Variants in TPD52 observed in about 807,000 individuals in gnomAD.
TPD52 encodes prostate and colon associated protein.
In TPD52, 17 loss-of-function variants were observed where a neutral mutation model predicts 31.3. That is an observed-to-expected ratio of 0.54 (90% CI 0.37 to 0.82). TPD52 has a LOEUF of 0.82. Among genes scored for constraint, TPD52 ranks in the 40% least tolerant of loss-of-function variants. The probability of loss-of-function intolerance (pLI) is 0.00; values close to 1 mark genes in which losing one functional copy is unlikely to be tolerated. For synonymous variants in TPD52, 83 were observed against 89.6 expected, an observed-to-expected ratio of 0.93 and a Z score of 0.42; for missense variants, 212 against 240.1, an observed-to-expected ratio of 0.88 and a Z score of 0.77.
intron 1 of TPD52, among the ~76,000 whole-genome samples, chr8:80,137,993 G>A (rs1809555569): frequency 6.6e-6 from 1 of 151,666 alleles, no homozygotes; most frequent in Non-Finnish European, 1.5e-5. Context: ...TGCCCAGGCT[G>A]GAGTGCAATG....
intron 1 of TPD52, among the ~76,000 whole-genome samples, chr8:80,083,378 C>T (rs1204149939): frequency 6.6e-6 from 1 of 152,090 alleles, no homozygotes; most frequent in Admixed American, 6.5e-5. Context: ...CTCTGTGTCC[C>T]CACCCAAATC....
intron 1 of TPD52, among the ~76,000 whole-genome samples, chr8:80,091,741 A>G (rs1351818531): frequency 6.6e-6 from 1 of 152,226 alleles, no homozygotes; most frequent in African/African-American, 2.4e-5. Context: ...TGCTTCTCAA[A>G]TAACTTTATT....
At chr8:80,171,190 C>A (rs1176221771) in intron 1 of TPD52, 2 of 701,246 alleles carry the variant, frequency 2.9e-6, no homozygotes, top group African/African-American at 1.8e-5. Flanking sequence ...CCCTCTCCCC[C>A]ACACACGCAC....
At chr8:80,041,152 TGGTAGGGGAG>T (rs974447917) in intron 7 of TPD52, among the ~76,000 whole-genome samples, 2 of 152,044 alleles carry the variant, frequency 1.3e-5, no homozygotes, top group Non-Finnish European at 2.9e-5. Context: ...GGGGGTGGGA[TGGTAGGGGAG>T]GGATAGCATT....
intron 1 of TPD52, among the ~76,000 whole-genome samples, chr8:80,123,284 G>A (rs1279968050): frequency 1.3e-5 from 2 of 152,080 alleles, no homozygotes; most frequent in Non-Finnish European, 2.9e-5. Context: ...GGCTTAGAGG[G>A]GAATGTAAAT....
intron 1 of TPD52, chr8:80,080,686 A>AG: frequency 1.1e-5 from 13 of 1,223,820 alleles, no homozygotes; most frequent in South Asian, 6.3e-5. Context: ...CAACCTTAGG[A>AG]GGGGCTCTAT....
intron 2 of TPD52, among the ~76,000 whole-genome samples, chr8:80,057,444 C>T (rs1488350118): frequency 6.6e-6 from 1 of 152,184 alleles, no homozygotes; most frequent in East Asian, 1.9e-4. Flanking sequence ...CCGGTGCCCA[C>T]TGTCCAATGT....
intron 1 of TPD52, among the ~76,000 whole-genome samples, chr8:80,111,948 G>C (rs2887724): frequency 0.44 from 67,614 of 152,060 alleles, 15,517 homozygotes; most frequent in East Asian, 0.79. Context: ...AGTAAACAGT[G>C]GCATTTGTTG....
chr8:80,044,614 C>T (rs1321569780), intron 5 of TPD52, among the ~76,000 whole-genome samples: 1 of 130,752 alleles, frequency 7.6e-6, no homozygotes, highest in Non-Finnish European at 1.5e-5. Context: ...CATACACACA[C>T]AAGCAAGGCC....
At chr8:80,159,429 C>T (rs1046774007) in intron 1 of TPD52, among the ~76,000 whole-genome samples, 5 of 152,176 alleles carry the variant, frequency 3.3e-5, no homozygotes, top group African/African-American at 1.2e-4. Context: ...TTGAACAACA[C>T]CTTTGCAAGG....
chr8:80,078,726 T>C (rs1197345475), intron 1 of TPD52, among the ~76,000 whole-genome samples: 1 of 152,204 alleles, frequency 6.6e-6, no homozygotes, highest in African/African-American at 2.4e-5. Context: ...TTTTCATTAC[T>C]GTTATTCATT....
At chr8:80,031,325 G>C (rs191755169), downstream of TPD52, among the ~76,000 whole-genome samples, 247 of 152,324 alleles carry the variant, frequency 1.6e-3, no homozygotes, top group Non-Finnish European at 2.9e-3. Flanking sequence ...ACTGATCTCA[G>C]AATGGTGCAC....
At chr8:80,079,038 C>A (rs951446597) in intron 1 of TPD52, among the ~76,000 whole-genome samples, 1 of 152,200 alleles carries the variant, frequency 6.6e-6, no homozygotes, top group Non-Finnish European at 1.5e-5. Flanking sequence ...ACAGCCCCAG[C>A]TTCTCAAAGG....
intron 1 of TPD52, among the ~76,000 whole-genome samples, chr8:80,079,097 T>A (rs1414303073): frequency 6.6e-6 from 1 of 152,176 alleles, no homozygotes; most frequent in Non-Finnish European, 1.5e-5. Flanking sequence ...ATTATCAAGC[T>A]CTAGCTTCCC....
chr8:80,033,627 G>A (rs951364884), downstream of TPD52, among the ~76,000 whole-genome samples: 8 of 152,134 alleles, frequency 5.3e-5, no homozygotes, highest in East Asian at 3.9e-4. Flanking sequence ...TTTTGCTCCC[G>A]CTGTTCAGCA....
rs779389191 is a variant in TPD52, at chr8:80,072,798, C to CATATATATATATATAT, written c.20-8221_20-8206dup. 6.4e-5 allele frequency among the ~76,000 whole-genome samples: 9 copies of CATATATATATATATAT among 141,050 alleles called. 1 individual carries two copies. The highest frequency in any genetic ancestry group is 2.7e-4 in the African/African-American group (9 of 33,282). 92.5% of individuals were successfully genotyped at this position (141,050 alleles called of 152,430 possible). A position where few individuals can be genotyped will look rare whatever the true frequency, so the allele number is the denominator to read the frequency against. On this transcript the variant is annotated intron_variant, in intron 1 of 7. Coordinates refer to ENST00000518937, the MANE Select transcript of TPD52 (RefSeq NM_001025253.3). ...ATATATACACATACACACACACACA[C>CATATATATATATATAT]ATATATATATATATATAAACTTGGC...
chr8:80,107,029 T>A (rs986000554), intron 1 of TPD52, among the ~76,000 whole-genome samples: 3 of 151,944 alleles, frequency 2.0e-5, no homozygotes, highest in Non-Finnish European at 4.4e-5. Flanking sequence ...TTTTTTGTAT[T>A]TTTAGTAGAT....
At chr8:80,065,833 C>T (rs1359652803) in intron 1 of TPD52, among the ~76,000 whole-genome samples, 4 of 151,800 alleles carry the variant, frequency 2.6e-5, no homozygotes, top group East Asian at 1.9e-4. Context: ...TATTATTTGA[C>T]GACTAAGCTT....
intron 1 of TPD52, among the ~76,000 whole-genome samples, chr8:80,150,859 C>T (rs6473207): frequency 0.64 from 97,795 of 152,060 alleles, 32,954 homozygotes; most frequent in African/African-American, 0.86. Flanking sequence ...GACTTTAGAC[C>T]GTGGACTTTT....
Sources: allele counts gnomAD v4.1 joint callset (sites outside exome capture counted in the v4.1 genomes callset), GRCh38; gene constraint gnomAD v4.1.1; transcripts MANE v1.5; gene names NCBI Gene and HGNC (gene_info 2026-07-23, HGNC 2026-07-21).